The following FANCB variants were observed in gnomAD, a reference collection of about 807,000 sequenced individuals.
FANCB encodes Fanconi anemia group B protein.
A neutral mutation model predicts 38.9 loss-of-function variants in FANCB; 5 were observed. That is an observed-to-expected ratio of 0.13 (90% confidence interval 0.07 to 0.27). The LOEUF is 0.27. Among genes scored for constraint, FANCB ranks in the 10% least tolerant of loss-of-function variants. The probability of loss-of-function intolerance (pLI) is 1.00; values close to 1 mark genes in which losing one functional copy is unlikely to be tolerated. For synonymous variants in FANCB, 236 were observed against 215.4 expected, an observed-to-expected ratio of 1.10 and a Z score of -0.84; for missense variants, 573 against 602.7, an observed-to-expected ratio of 0.95 and a Z score of 0.52.
intron 3 of FANCB, among the ~76,000 whole-genome samples, chrX:14,861,922 G>A (rs1300857778): frequency 9.1e-6 from 1 of 110,361 alleles, no homozygotes; most frequent in African/African-American, 3.3e-5. Flanking sequence ...TCAGCTCACT[G>A]CAACCTCCAC....
chrX:14,730,787 C>A, the FANCB span: 6 of 238,581 alleles, frequency 2.5e-5, no homozygotes, highest in Non-Finnish European at 4.5e-5. Context: ...ATATGCGCAT[C>A]ATTCAGACAT....
chrX:14,864,027 C>T (rs1201763077), intron 3 of FANCB, among the ~76,000 whole-genome samples: 5 of 110,491 alleles, frequency 4.5e-5, no homozygotes, highest in African/African-American at 1.3e-4. Context: ...CCCAGCTACT[C>T]GGGAGGCTGA....
At chrX:14,740,546 C>A in the FANCB span, among the ~76,000 whole-genome samples, 1 of 112,026 alleles carries the variant, frequency 8.9e-6, no homozygotes, top group East Asian at 2.8e-4. Context: ...CTTTAAACAG[C>A]CAGGTAGTAA....
At chrX:14,836,553 T>C (rs1189603200) in intron 10 of FANCB, among the ~76,000 whole-genome samples, 1 of 112,345 alleles carries the variant, frequency 8.9e-6, no homozygotes, top group Non-Finnish European at 1.9e-5. Context: ...ATAATTATTT[T>C]ACAGTTCCGC....
the FANCB span, among the ~76,000 whole-genome samples, chrX:14,725,525 G>T: frequency 2.7e-5 from 3 of 112,029 alleles, no homozygotes; most frequent in Non-Finnish European, 5.6e-5. Context: ...ATCTGGGTGA[G>T]AAATGCGATG....
At chrX:14,713,343 G>A in the FANCB span, among the ~76,000 whole-genome samples, 2 of 112,056 alleles carry the variant, frequency 1.8e-5, no homozygotes, top group Non-Finnish European at 3.8e-5. Flanking sequence ...TCACCTTCAT[G>A]CTTCTTAGAA....
chrX:14,841,764 G>C (rs1377943346), downstream of FANCB, among the ~76,000 whole-genome samples: 1 of 111,651 alleles, frequency 9.0e-6, no homozygotes, highest in Admixed American at 9.5e-5. Flanking sequence ...AATCATGAAA[G>C]TGGCAAGAGT....
chrX:14,859,095 T>C (rs1003106935), intron 4 of FANCB, 87 bp downstream of exon 4: 5 of 573,543 alleles, frequency 8.7e-6, no homozygotes, highest in East Asian at 6.7e-5. Context: ...AAACCACCAA[T>C]ATTTAAATGA....
the FANCB span, among the ~76,000 whole-genome samples, chrX:14,758,180 A>G: frequency 9.0e-6 from 1 of 110,735 alleles, no homozygotes; most frequent in African/African-American, 3.3e-5. Context: ...TTGGCCTGAG[A>G]ACCACACCCC....
At chrX:14,777,015 T>C in the FANCB span, among the ~76,000 whole-genome samples, 1 of 111,917 alleles carries the variant, frequency 8.9e-6, no homozygotes, top group African/African-American at 3.3e-5. Flanking sequence ...TCAAAGTAAC[T>C]GGAGGGTGCC....
At chrX:14,859,379 C>T (rs1284338564) in intron 3 of FANCB, 45 bp from the exon 4 acceptor site, 17 of 974,281 alleles carry the variant, frequency 1.7e-5, no homozygotes, top group Non-Finnish European at 2.0e-5. Flanking sequence ...AAGAAAAAAT[C>T]GAATGTGAAA....
At chrX:14,826,225 C>T in the FANCB span, among the ~76,000 whole-genome samples, 2 of 111,789 alleles carry the variant, frequency 1.8e-5, no homozygotes, top group Non-Finnish European at 3.8e-5. Flanking sequence ...AAGCCTCCTC[C>T]ATATTTTAAT....
chrX:14,735,134 C>CT, the FANCB span, among the ~76,000 whole-genome samples: 387 of 109,383 alleles, frequency 3.5e-3, 1 homozygote, highest in Non-Finnish European at 4.1e-3. Flanking sequence ...TTCCTCTAAC[C>CT]TTTTTTTCAA....
chrX:14,715,093 T>C, the FANCB span, among the ~76,000 whole-genome samples: 3 of 112,675 alleles, frequency 2.7e-5, no homozygotes, highest in African/African-American at 9.7e-5. Context: ...CTTTATATTC[T>C]AAAATTTTTG....
At chrX:14,814,300 A>G in the FANCB span, among the ~76,000 whole-genome samples, 10 of 112,009 alleles carry the variant, frequency 8.9e-5, no homozygotes, top group East Asian at 2.5e-3. Context: ...AAAAGCAATG[A>G]CAACAAAAGC....
chrX:14,741,719 G>C, the FANCB span, among the ~76,000 whole-genome samples: 3 of 111,709 alleles, frequency 2.7e-5, no homozygotes, highest in African/African-American at 9.8e-5. Flanking sequence ...ATGACTCTTA[G>C]GCAAATATAA....
At chrX:14,796,543 A>ATATATAATAAATTATATGTTATATAT in the FANCB span, among the ~76,000 whole-genome samples, 1 of 98,829 alleles carries the variant, frequency 1.0e-5, no homozygotes, top group African/African-American at 3.7e-5. Flanking sequence ...TATATATGTT[A>ATATATAATAAATTATATGTTATATAT]TATATAATAA....
Position 14,843,737 on chromosome X carries a change from C to T in FANCB, c.2410G>A (p.Asp804Asn). ...KSSVVAAALS[D>N]RRENIHPYRK... ...TAGGGATGGATATTTTCCCTTCTGT[C>T]TGATAAAGCAGCCGCGACGACACTA... Residue 804 changes from aspartate (D) to asparagine (N), a missense_variant, in exon 10 of 10, where the codon GAC becomes AAC. By Grantham distance (23) the Asp-to-Asn change is conservative. Transcript: ENST00000650831. 1 of 1,211,222 alleles carries T rather than the reference C, an allele frequency of 8.3e-7. No individual in the cohort carries two copies. The highest frequency in any genetic ancestry group is 1.1e-6 in the Non-Finnish European group (1 of 895,303).
chrX:14,785,701 T>C, the FANCB span, among the ~76,000 whole-genome samples: 3 of 111,696 alleles, frequency 2.7e-5, no homozygotes, highest in Non-Finnish European at 5.6e-5. Context: ...CCCTTTCTCT[T>C]GGGAGGCCAG....
Sources: allele counts gnomAD v4.1 joint callset (sites outside exome capture counted in the v4.1 genomes callset), GRCh38; gene constraint gnomAD v4.1.1; transcripts MANE v1.5; gene names NCBI Gene and HGNC (gene_info 2026-07-23, HGNC 2026-07-21).